The following ZNF69 variants were observed in gnomAD, a reference collection of about 807,000 sequenced individuals.
The protein encoded by ZNF69 is zinc finger protein 69.
Under a neutral mutation model 50.9 loss-of-function variants are expected in ZNF69, and 47 were observed. The ratio of observed to expected loss-of-function variants is 0.92; its 90% CI spans 0.73 to 1.18. The LOEUF is 1.18. Ranked by LOEUF, ZNF69 falls within the 50% of genes most tolerant of loss-of-function variation. The pLI, the probability that ZNF69 is intolerant of heterozygous loss-of-function variation, is 0.00. For synonymous variants in ZNF69, 216 were observed against 223.1 expected (o/e 0.97, Z 0.29); for missense variants, 717 against 675.1 (o/e 1.06, Z -0.69).
In ZNF69 at chr19:11,892,989, C is replaced by T. The variant is rs139071280; in HGVS notation, c.63+5003C>T. Reference sequence around the variant, plus strand: ...AGCTGGGATTACATGCATGTGCCACCGCACATGGCTAATTTTTGTATTTTT... The same window carrying T: ...AGCTGGGATTACATGCATGTGCCACTGCACATGGCTAATTTTTGTATTTTT... On this transcript the variant is annotated intron_variant, in intron 1 of 3. Coordinates refer to ENST00000429654, the MANE Select transcript of ZNF69 (RefSeq NM_001364730.1). Among the ~76,000 whole-genome samples, 33 of 152,218 alleles carry T rather than the reference C, an allele frequency of 2.2e-4. No individual in the cohort carries two copies. The East Asian group carries it at 6.0e-3, about 28-fold the overall frequency.
chr19:11,908,020 G>T (rs1322837207), downstream of ZNF69, among the ~76,000 whole-genome samples: 1 of 152,170 alleles, frequency 6.6e-6, no homozygotes, highest in African/African-American at 2.4e-5. Context: ...AGCAGGGGTT[G>T]CAATCCTAGT....
At chr19:11,942,734 T>A in the ZNF69 span, among the ~76,000 whole-genome samples, 1 of 152,222 alleles carries the variant, frequency 6.6e-6, no homozygotes, top group Non-Finnish European at 1.5e-5. Flanking sequence ...ATACAATGTC[T>A]GGAATCTATA....
the ZNF69 span, among the ~76,000 whole-genome samples, chr19:11,957,482 A>G: frequency 1.2e-4 from 19 of 152,152 alleles, no homozygotes; most frequent in Admixed American, 1.2e-3. Flanking sequence ...TGAACTTGCA[A>G]GTAAAAATAA....
the ZNF69 span, chr19:11,925,367 C>T: frequency 1.3e-6 from 2 of 1,561,634 alleles, no homozygotes; most frequent in Non-Finnish European, 1.7e-6. Flanking sequence ...TCCCTGTGGG[C>T]GACTCCGGGG....
chr19:11,977,465 A>G, the ZNF69 span: 1 of 1,606,036 alleles, frequency 6.2e-7, no homozygotes, highest in Non-Finnish European at 8.5e-7. Flanking sequence ...CAGTGTCTCT[A>G]GATGATTTTA....
chr19:11,891,198 G>T (rs1313296373), intron 1 of ZNF69, among the ~76,000 whole-genome samples: 1 of 152,052 alleles, frequency 6.6e-6, no homozygotes, highest in African/African-American at 2.4e-5. Flanking sequence ...GGCCGAGGCA[G>T]GAGGATCACT....
At chr19:11,958,031 T>G in the ZNF69 span, among the ~76,000 whole-genome samples, 5,495 of 152,112 alleles carry the variant, frequency 0.036, 318 homozygotes, top group African/African-American at 0.12. Flanking sequence ...CACCATCTAA[T>G]TCACCATGGG....
the ZNF69 span, chr19:11,948,245 C>T: frequency 5.0e-6 from 8 of 1,595,402 alleles, no homozygotes; most frequent in South Asian, 2.3e-5. Context: ...TGTAAACAAA[C>T]CCTTCATGAT....
chr19:11,935,797 T>A, the ZNF69 span, among the ~76,000 whole-genome samples: 1 of 152,202 alleles, frequency 6.6e-6, no homozygotes, highest in Non-Finnish European at 1.5e-5. Context: ...CGTGTTGGTT[T>A]GTTGCACCCA....
intron 1 of ZNF69, 146 bp downstream of exon 1, chr19:11,888,132 C>A: frequency 1.6e-6 from 1 of 637,856 alleles, no homozygotes. Context: ...CCTCGGTCCC[C>A]TCGACTGCTC....
At chr19:11,945,223 C>T in the ZNF69 span, among the ~76,000 whole-genome samples, 8 of 152,240 alleles carry the variant, frequency 5.3e-5, no homozygotes, top group Admixed American at 5.2e-4. Flanking sequence ...AGGTTCCCAG[C>T]ACCCCTCTTT....
intron 4 of ZNF69, among the ~76,000 whole-genome samples, chr19:11,912,621 T>C (rs1265634992): frequency 1.3e-5 from 2 of 151,836 alleles, no homozygotes; most frequent in Non-Finnish European, 2.9e-5. Context: ...TATGAGTGTA[T>C]GCCATGTGGG....
the ZNF69 span, among the ~76,000 whole-genome samples, chr19:11,934,179 AT>A: frequency 1.4e-5 from 2 of 146,620 alleles, no homozygotes; most frequent in African/African-American, 5.4e-5. Flanking sequence ...GACCTCATCT[AT>A]TTTTTTTTAA....
At chr19:11,977,314 T>C in the ZNF69 span, 9 of 1,606,300 alleles carry the variant, frequency 5.6e-6, no homozygotes, top group Non-Finnish European at 7.6e-6. Context: ...TAGAATCTAA[T>C]AATTTTTTCA....
At chr19:11,956,286 A>G in the ZNF69 span, among the ~76,000 whole-genome samples, 1 of 152,212 alleles carries the variant, frequency 6.6e-6, no homozygotes, top group Non-Finnish European at 1.5e-5. Context: ...CCCAAGAACA[A>G]GGAAGAGAGT....
At chr19:11,914,813 G>A (rs1036484180), downstream of ZNF69, among the ~76,000 whole-genome samples, 2 of 152,192 alleles carry the variant, frequency 1.3e-5, no homozygotes, top group South Asian at 2.1e-4. Context: ...GTGTGTGGAG[G>A]TGACACACCC....
At chr19:11,947,472 T>C in the ZNF69 span, 12 of 1,606,640 alleles carry the variant, frequency 7.5e-6, no homozygotes, top group Non-Finnish European at 9.3e-6. Flanking sequence ...TTTTCACAAT[T>C]TTATACTGCT....
the ZNF69 span, chr19:11,950,254 C>G: frequency 1.6e-5 from 26 of 1,604,764 alleles, no homozygotes; most frequent in Non-Finnish European, 2.0e-5. Flanking sequence ...ATTCAGCTAG[C>G]CTGGTTCCTT....
chr19:11,903,750 A>G (rs1283783564), intron 2 of ZNF69, 51 bp downstream of exon 2: 2 of 1,609,412 alleles, frequency 1.2e-6, no homozygotes, highest in African/African-American at 2.7e-5. Flanking sequence ...CAGTGTTTCT[A>G]GCTCATCAAT....
Sources: gnomAD v4.1 joint callset for allele counts (sites outside exome capture counted in the v4.1 genomes callset) on GRCh38, gnomAD v4.1.1 for gene constraint, MANE v1.5 for transcripts, NCBI Gene and HGNC (gene_info 2026-07-23, HGNC 2026-07-21) for gene names.